NEGR1: variants seen among roughly 807,000 people sequenced by gnomAD.
NEGR1 encodes neuronal growth regulator 1.
Under a neutral mutation model 40.9 loss-of-function variants are expected in NEGR1, and 10 were observed. The ratio of observed to expected loss-of-function variants is 0.24; its 90% CI spans 0.15 to 0.42. The LOEUF (loss-of-function observed/expected upper bound fraction) is 0.42, where lower values mean the gene tolerates loss of function less well. NEGR1 is among the 10% of genes least tolerant of loss of function. The pLI is 1.00. For synonymous variants in NEGR1, 185 were observed against 166.8 expected, an observed-to-expected ratio of 1.11 and a Z score of -0.84; for missense variants, 352 against 438.9, an observed-to-expected ratio of 0.80 and a Z score of 1.77.
chr1:71,599,074 T>A (rs953698302), intron 5 of NEGR1, among the ~76,000 whole-genome samples: 2 of 152,236 alleles, frequency 1.3e-5, no homozygotes, highest in Non-Finnish European at 2.9e-5. Flanking sequence ...ATTTTTGTAA[T>A]TCTTAGTTTT....
chr1:71,949,674 T>C (rs951792901), intron 1 of NEGR1, among the ~76,000 whole-genome samples: 2 of 152,092 alleles, frequency 1.3e-5, no homozygotes, highest in Non-Finnish European at 2.9e-5. Context: ...TTGTTTCAAA[T>C]TATCCTAAAT....
chr1:71,450,408 A>G (rs1646618447), intron 6 of NEGR1, among the ~76,000 whole-genome samples: 1 of 152,262 alleles, frequency 6.6e-6, no homozygotes, highest in African/African-American at 2.4e-5. Flanking sequence ...AATCGTAAAT[A>G]CTATATATAA....
chr1:71,981,008 C>A (rs1305248871), intron 1 of NEGR1, among the ~76,000 whole-genome samples: 1 of 152,096 alleles, frequency 6.6e-6, no homozygotes. Context: ...GCATCTGTAA[C>A]AAGAGTGCCC....
chr1:71,962,092 A>C (rs1017017065), intron 1 of NEGR1, among the ~76,000 whole-genome samples: 2 of 152,118 alleles, frequency 1.3e-5, no homozygotes, highest in African/African-American at 4.8e-5. Flanking sequence ...CATGAAAAAA[A>C]ATCCAACACA....
intron 2 of NEGR1, among the ~76,000 whole-genome samples, chr1:71,785,580 C>T (rs940458211): frequency 6.6e-6 from 1 of 152,228 alleles, no homozygotes; most frequent in Admixed American, 6.5e-5. Flanking sequence ...AGTTACTATT[C>T]CCATAAACCT....
intron 2 of NEGR1, among the ~76,000 whole-genome samples, chr1:71,898,981 C>CTAATAT (rs1661063251): frequency 1.9e-5 from 1 of 51,300 alleles, no homozygotes; most frequent in Non-Finnish European, 3.4e-5. Context: ...ATATATATAG[C>CTAATAT]ATATATATAT....
rs1570146236 is a variant in NEGR1, at chr1:72,226,615, C to T, written c.176+55704G>A. 3.3e-5 allele frequency among the ~76,000 whole-genome samples: 5 copies of T among 151,970 alleles called. No homozygotes were observed. In the South Asian group the frequency reaches 1.0e-3, roughly 32 times the overall value. On this transcript the variant is annotated intron_variant, in intron 1 of 6. Transcript: ENST00000357731. ...AAGTTACATTAAAAATTTGATTCGG[C>T]CATTGGTGATAACCATCACTTACAG...
intron 1 of NEGR1, among the ~76,000 whole-genome samples, chr1:72,088,796 C>CTTTTTT (rs71074816): frequency 1.3e-5 from 1 of 74,906 alleles, no homozygotes; most frequent in Admixed American, 1.8e-4. Context: ...CTCTCTCTCT[C>CTTTTTT]TTTTTTTTTT....
chr1:72,136,262 G>GA (rs1232113765), intron 1 of NEGR1, among the ~76,000 whole-genome samples: 2 of 151,992 alleles, frequency 1.3e-5, no homozygotes, highest in Non-Finnish European at 2.9e-5. Flanking sequence ...TCCAATAAGT[G>GA]AAAAGATATA....
At chr1:71,539,251 T>A (rs555848985) in intron 6 of NEGR1, among the ~76,000 whole-genome samples, 5 of 151,770 alleles carry the variant, frequency 3.3e-5, no homozygotes, top group African/African-American at 4.8e-5. Context: ...TAATTGAAAT[T>A]ACTTTAAAAT....
intron 2 of NEGR1, among the ~76,000 whole-genome samples, chr1:71,802,637 G>C (rs1437731157): frequency 6.6e-6 from 1 of 152,190 alleles, no homozygotes; most frequent in African/African-American, 2.4e-5. Context: ...GCCTTATTGG[G>C]CCTGGAGAGC....
At chr1:71,456,763 C>A (rs1355948823) in intron 6 of NEGR1, among the ~76,000 whole-genome samples, 2 of 152,208 alleles carry the variant, frequency 1.3e-5, no homozygotes, top group African/African-American at 4.8e-5. Context: ...CATGTTTTTA[C>A]AATTTTGCCA....
chr1:71,569,323 C>G (rs534767586), intron 6 of NEGR1, among the ~76,000 whole-genome samples: 1 of 151,740 alleles, frequency 6.6e-6, no homozygotes, highest in Non-Finnish European at 1.5e-5. Flanking sequence ...GAGAAAGGAA[C>G]TGAAAAAGAA....
chr1:72,281,602 T>C (rs1557612747), intron 1 of NEGR1, among the ~76,000 whole-genome samples: 1 of 144,736 alleles, frequency 6.9e-6, no homozygotes, highest in South Asian at 2.2e-4. Flanking sequence ...ATAAAAAAAA[T>C]AGACAAAAAG....
chr1:72,053,570 T>G (rs1647082406), intron 1 of NEGR1, among the ~76,000 whole-genome samples: 1 of 151,134 alleles, frequency 6.6e-6, no homozygotes, highest in African/African-American at 2.4e-5. Flanking sequence ...TGGCTCTAGA[T>G]ACAATTCACT....
chr1:71,651,177 C>A (rs986063765), intron 4 of NEGR1, among the ~76,000 whole-genome samples: 1 of 152,056 alleles, frequency 6.6e-6, no homozygotes, highest in African/African-American at 2.4e-5. Flanking sequence ...AATATATTTA[C>A]ATGATCAAAG....
At chr1:71,623,838 A>G (rs1313729894) in intron 4 of NEGR1, among the ~76,000 whole-genome samples, 1 of 151,898 alleles carries the variant, frequency 6.6e-6, no homozygotes, top group Non-Finnish European at 1.5e-5. Flanking sequence ...AAATGATTAA[A>G]CAACATGGTA....
chr1:71,861,748 T>G (rs565199778), intron 2 of NEGR1, among the ~76,000 whole-genome samples: 2 of 152,258 alleles, frequency 1.3e-5, no homozygotes, highest in African/African-American at 4.8e-5. Context: ...ATTAGGAGCA[T>G]AATGCAGTCA....
chr1:71,842,559 T>G (rs1221860441), intron 2 of NEGR1, among the ~76,000 whole-genome samples: 1 of 152,192 alleles, frequency 6.6e-6, no homozygotes, highest in East Asian at 1.9e-4. Context: ...GAGAAATGTC[T>G]TCATCTATAC....
Sources: allele counts gnomAD v4.1 joint callset (sites outside exome capture counted in the v4.1 genomes callset), GRCh38; gene constraint gnomAD v4.1.1; transcripts MANE v1.5; gene names NCBI Gene and HGNC (gene_info 2026-07-23, HGNC 2026-07-21).